Variants in DLEC1 observed in about 807,000 individuals in gnomAD.
The protein encoded by DLEC1 is DLEC1 cilia and flagella associated protein.
DLEC1 carries 146 observed loss-of-function variants against 198.1 expected under a neutral mutation model. The ratio of observed to expected loss-of-function variants is 0.74; its 90% CI spans 0.64 to 0.85. DLEC1 has a LOEUF of 0.85. Ranked by LOEUF, DLEC1 falls within the 40% of genes least tolerant of loss-of-function variation. The pLI, the probability that DLEC1 is intolerant of heterozygous loss-of-function variation, is 0.00. For missense variants in DLEC1, 2,233 were observed against 2,220.0 expected (o/e 1.01, Z -0.12); for synonymous variants, 897 against 866.8 (o/e 1.03, Z -0.61).
chr3:38,115,079 T>C (rs1269155673), intron 27 of DLEC1, 26 bp downstream of exon 27: 1 of 1,612,866 alleles, frequency 6.2e-7, no homozygotes, highest in Non-Finnish European at 8.5e-7. Flanking sequence ...GAGAAGTCAG[T>C]GTTCTTGCCA....
chr3:38,053,769 G>A (rs1231505598), intron 2 of DLEC1, among the ~76,000 whole-genome samples: 1 of 152,220 alleles, frequency 6.6e-6, no homozygotes, highest in Non-Finnish European at 1.5e-5. Flanking sequence ...GAAATGTGGG[G>A]AAAAGATAGA....
At chr3:38,063,954 T>C (rs1281010329) in intron 6 of DLEC1, 35 bp downstream of exon 6, 1 of 1,389,296 alleles carries the variant, frequency 7.2e-7, no homozygotes, top group Non-Finnish European at 1.0e-6. Context: ...TCCCACCCCA[T>C]CTGCTTTCTT....
chr3:38,102,610 G>T (rs752887198), intron 19 of DLEC1, among the ~76,000 whole-genome samples: 3 of 152,172 alleles, frequency 2.0e-5, no homozygotes, highest in Non-Finnish European at 2.9e-5. Flanking sequence ...TAAGGAGCTG[G>T]TGTTGTAAGT....
At chr3:38,088,874 C>G (rs1698601573) in intron 10 of DLEC1, among the ~76,000 whole-genome samples, 1 of 152,198 alleles carries the variant, frequency 6.6e-6, no homozygotes, top group Non-Finnish European at 1.5e-5. Context: ...TGGTCTGCCC[C>G]TGGCTGTGGG....
chr3:38,044,734 G>A (rs998790015), intron 1 of DLEC1, among the ~76,000 whole-genome samples: 4 of 152,198 alleles, frequency 2.6e-5, no homozygotes, highest in Admixed American at 6.5e-5. Context: ...CATATTACCT[G>A]TACCAGTGAG....
Position 38,112,449 on chromosome 3 carries a change from C to T in DLEC1, c.3666+88C>T, listed in dbSNP as rs1446030087. 2.6e-6 allele frequency: 4 copies of T among 1,563,872 alleles called. No homozygotes were observed. The highest frequency in any genetic ancestry group is 2.2e-4 in the Middle Eastern group (1 of 4,554). On this transcript the variant is annotated intron_variant, in intron 25 of 36. Transcript: ENST00000308059. This position sits in a 1 kb window ranked among gnomAD's most constrained non-coding sequence, Gnocchi z 4.8. ...GCCTCTCTCCCCTCCAACACCTGGC[C>T]CTCAGACTCTCAAACCTCACCAGGT...
At chr3:38,117,412 A>G in intron 31 of DLEC1, 110 bp downstream of exon 31, 1 of 1,596,814 alleles carries the variant, frequency 6.3e-7, no homozygotes, top group Non-Finnish European at 8.6e-7. Context: ...GCATGGGTGG[A>G]GAAGTCAGCA....
rs370658013 is a variant in DLEC1, at chr3:38,117,876, G to C, written c.4556G>C (p.Arg1519Pro). The change falls in exon 33 of 37, where the codon CGG (arginine) becomes CCG (proline). Residue 1519 changes from arginine to proline, a missense_variant. Arg to Pro is a moderately radical substitution (Grantham distance 103). Coordinates refer to ENST00000308059, the MANE Select transcript of DLEC1 (RefSeq NM_007335.4). ...TNTTEIPHYF[R>P]LMVSRPFSVS... ...ACTACAGAGATCCCACACTACTTCC[G>C]GCTTATGGTCTCCAGGCCCTTCTCC... 1.2e-6 allele frequency: 2 copies of C among 1,614,082 alleles called. No homozygotes were observed. Among genetic ancestry groups the C allele is most frequent in the East Asian group, 4.5e-5 (2 of 44,864 alleles).
chr3:38,067,026 T>C (rs181534124), intron 6 of DLEC1, among the ~76,000 whole-genome samples: 17 of 152,314 alleles, frequency 1.1e-4, no homozygotes, highest in African/African-American at 3.8e-4. Flanking sequence ...TTATGGAAGA[T>C]ATTCTTCTTC....
At chr3:38,040,056 C>T (rs913206367) in intron 1 of DLEC1, among the ~76,000 whole-genome samples, 3 of 152,116 alleles carry the variant, frequency 2.0e-5, no homozygotes, top group African/African-American at 7.2e-5. Context: ...CGTGTCTAGC[C>T]TCTAGAACAG....
chr3:38,095,086 A>T lies in DLEC1; in HGVS notation c.2112+15A>T, dbSNP rs764194011. The T allele has an allele frequency of 1.2e-6, 2 of 1,613,564 alleles. No homozygotes were observed. Among genetic ancestry groups the T allele is most frequent in the Non-Finnish European group, 1.7e-6 (2 of 1,179,542 alleles). ...CTCCTCATGAGGTTCAGATGGTGTC[A>T]TCTCAGTAGCCACACATGGTTGGAT... On this transcript the variant is annotated intron_variant, in intron 13 of 36. Coordinates refer to ENST00000308059, the MANE Select transcript of DLEC1 (RefSeq NM_007335.4).
At chr3:38,096,193 T>C (rs1384043967) in intron 14 of DLEC1, among the ~76,000 whole-genome samples, 2 of 152,202 alleles carry the variant, frequency 1.3e-5, no homozygotes, top group Non-Finnish European at 2.9e-5. Context: ...AGGCCCATTG[T>C]TGCTCTTGGG....
chr3:38,076,181 T>A (rs940253486), intron 6 of DLEC1, among the ~76,000 whole-genome samples: 1 of 151,828 alleles, frequency 6.6e-6, no homozygotes, highest in African/African-American at 2.4e-5. Context: ...GGTTGAGGGA[T>A]AGTGAGGGAG....
intron 6 of DLEC1, among the ~76,000 whole-genome samples, chr3:38,071,432 G>T (rs548509187): frequency 4.5e-4 from 68 of 152,358 alleles, no homozygotes; most frequent in African/African-American, 1.5e-3. Context: ...AACCTACATG[G>T]AAGAGGTTAT....
At chr3:38,068,962 G>A (rs550916961) in intron 6 of DLEC1, among the ~76,000 whole-genome samples, 2 of 152,286 alleles carry the variant, frequency 1.3e-5, no homozygotes, top group South Asian at 4.1e-4. Flanking sequence ...GGAAGGGCGT[G>A]TCATATGGTG....
chr3:38,101,550 G>A (rs991146088), intron 19 of DLEC1, among the ~76,000 whole-genome samples: 1 of 151,782 alleles, frequency 6.6e-6, no homozygotes, highest in Non-Finnish European at 1.5e-5. Flanking sequence ...ACTCATTTTT[G>A]CATATATTTG....
At chr3:38,095,246 A>C in intron 13 of DLEC1, 175 bp downstream of exon 13, 1 of 707,056 alleles carries the variant, frequency 1.4e-6, no homozygotes, top group East Asian at 2.7e-5. Context: ...AGGGTGAAGC[A>C]GCTCATTTTG....
rs1559430398 is a variant in DLEC1, at chr3:38,084,476, GGTGGTA to G, written c.1261+234_1261+239del. 4.3e-5 allele frequency among the ~76,000 whole-genome samples: 5 copies of G among 116,478 alleles called. 1 individual carries two copies. The highest frequency in any genetic ancestry group is 1.7e-4 in the African/African-American group (5 of 30,184). 76.4% of individuals were successfully genotyped at this position (116,478 alleles called of 152,430 possible). Reference sequence around the variant, plus strand: ...TGGTAGTAGTAATAGTAGTGGTGGTGGTGGTAGTAGTGGTGGTAGTAGTAGTGGTAG... The same window carrying G: ...TGGTAGTAGTAATAGTAGTGGTGGTGGTAGTGGTGGTAGTAGTAGTGGTAG... On this transcript the variant is annotated intron_variant, in intron 7 of 36. Coordinates refer to ENST00000308059, the MANE Select transcript of DLEC1 (RefSeq NM_007335.4).
At chr3:38,079,794 G>A (rs571463952) in intron 6 of DLEC1, among the ~76,000 whole-genome samples, 179 of 152,296 alleles carry the variant, frequency 1.2e-3, no homozygotes, top group African/African-American at 4.1e-3. Context: ...CGGTTCAGGC[G>A]TTTGGAAGTT....
Sources: gnomAD v4.1 joint callset for allele counts (sites outside exome capture counted in the v4.1 genomes callset) on GRCh38, gnomAD v4.1.1 for gene constraint, Gnocchi (gnomAD v3.1) non-coding constraint, MANE v1.5 for transcripts, NCBI Gene and HGNC (gene_info 2026-07-23, HGNC 2026-07-21) for gene names.